TLN2: variants seen among roughly 807,000 people sequenced by gnomAD.
TLN2 encodes the protein talin-2.
A neutral mutation model predicts 294.7 loss-of-function variants in TLN2; 118 were observed. That is an observed-to-expected ratio of 0.40 (90% CI 0.34 to 0.47). The LOEUF (loss-of-function observed/expected upper bound fraction) is 0.47, where lower values mean the gene tolerates loss of function less well. Among genes scored for constraint, TLN2 ranks in the 20% least tolerant of loss-of-function variants. TLN2 has a pLI of 0.84. For synonymous variants in TLN2, 1,431 were observed against 1,304.5 expected (o/e 1.10, Z -2.09); for missense variants, 3,083 against 3,282.2 (o/e 0.94, Z 1.48).
chr15:62,840,388 T>TGA, intron 58 of TLN2, 94 bp from the exon 59 acceptor site: 1 of 1,516,352 alleles, frequency 6.6e-7, no homozygotes, highest in South Asian at 1.3e-5. Context: ...TGTCCCACGG[T>TGA]CGCGGGAGCC....
chr15:62,489,170 CAAAG>C (rs952639402), intron 1 of TLN2, among the ~76,000 whole-genome samples: 3 of 152,028 alleles, frequency 2.0e-5, no homozygotes, highest in African/African-American at 4.8e-5. Flanking sequence ...CAAAAGCAAA[CAAAG>C]AAAATATAAA....
chr15:62,717,219 C>A (rs772109852), intron 23 of TLN2, among the ~76,000 whole-genome samples: 2 of 152,170 alleles, frequency 1.3e-5, no homozygotes, highest in Non-Finnish European at 2.9e-5. Context: ...GTGCTTGACA[C>A]AGAACCATCT....
intron 16 of TLN2, among the ~76,000 whole-genome samples, chr15:62,699,421 T>G (rs1203689856): frequency 6.6e-6 from 1 of 151,936 alleles, no homozygotes; most frequent in Non-Finnish European, 1.5e-5. Context: ...GGGCCTGAGA[T>G]TTTGCATTTG....
At chr15:62,760,021 C>T (rs937022746) in intron 37 of TLN2, among the ~76,000 whole-genome samples, 4 of 152,162 alleles carry the variant, frequency 2.6e-5, no homozygotes, top group Non-Finnish European at 4.4e-5. Context: ...TGGCCAGTGC[C>T]GGCAGCATAA....
intron 10 of TLN2, among the ~76,000 whole-genome samples, chr15:62,674,346 T>A (rs1449151347): frequency 2.0e-5 from 3 of 152,150 alleles, no homozygotes; most frequent in Non-Finnish European, 4.4e-5. Context: ...AACTTTGCCA[T>A]GAAACACTCT....
chr15:62,530,564 C>T (rs112167001), intron 1 of TLN2, among the ~76,000 whole-genome samples: 5,287 of 152,116 alleles, frequency 0.035, 275 homozygotes, highest in African/African-American at 0.12. Context: ...ACTATGTTGG[C>T]CAGGCTGGTC....
intron 16 of TLN2, among the ~76,000 whole-genome samples, chr15:62,700,406 T>C (rs1473208587): frequency 6.6e-6 from 1 of 152,314 alleles, no homozygotes; most frequent in Non-Finnish European, 1.5e-5. Flanking sequence ...TTGCTATTTA[T>C]AGGTTCAAAT....
chr15:62,525,766 A>G (rs2040699706), intron 1 of TLN2, among the ~76,000 whole-genome samples: 1 of 152,190 alleles, frequency 6.6e-6, no homozygotes, highest in South Asian at 2.1e-4. Context: ...GTGAAAGGGC[A>G]GCTGGATGCT....
chr15:62,804,222 T>G (rs1596056445), intron 50 of TLN2, among the ~76,000 whole-genome samples: 1 of 152,158 alleles, frequency 6.6e-6, no homozygotes. Context: ...CTAATGGTGG[T>G]GATCAAAGAG....
At chr15:62,585,034 C>T (rs2045474266) in intron 1 of TLN2, among the ~76,000 whole-genome samples, 1 of 152,154 alleles carries the variant, frequency 6.6e-6, no homozygotes, top group Non-Finnish European at 1.5e-5. Context: ...CAGGGCAAAG[C>T]CTGAGTGTGG....
At position 62,708,521 on chromosome 15, in the gene TLN2, G is replaced by T. The variant is rs763699350; in HGVS notation, c.2192G>T (p.Ser731Ile). The change falls in exon 21 of 59, where the codon AGC (serine) becomes ATC (isoleucine). Residue 731 changes from serine to isoleucine, a missense_variant. By Grantham distance (142) the Ser-to-Ile change is moderately radical (BLOSUM62 -2). Coordinates refer to ENST00000636159, the MANE Select transcript of TLN2 (RefSeq NM_015059.3). The stretch of plus-strand genomic sequence containing the variant: ...CTTCAGGTTGTGAGCCCCACTATTA[G>T]CTCCCCTGTGTGCCAGGAGCAGCTG... Reference protein sequence around the residue: ...ACAKVVSPTISSPVCQEQLIE... With the variant: ...ACAKVVSPTIISPVCQEQLIE... The T allele has an allele frequency of 6.2e-7, 1 of 1,613,746 alleles. No individual in the cohort carries two copies. Among genetic ancestry groups the T allele is most frequent in the Non-Finnish European group, 8.5e-7 (1 of 1,179,704 alleles).
intron 57 of TLN2, among the ~76,000 whole-genome samples, chr15:62,838,386 C>T (rs1397739254): frequency 5.9e-5 from 9 of 152,186 alleles, no homozygotes; most frequent in African/African-American, 2.2e-4. Flanking sequence ...GCCGGCACAG[C>T]ACACTCCAGG....
chr15:62,615,598 G>C (rs1040986188), intron 2 of TLN2, among the ~76,000 whole-genome samples: 3 of 152,146 alleles, frequency 2.0e-5, no homozygotes, highest in Non-Finnish European at 2.9e-5. Context: ...TTAACATTTA[G>C]GTAGATTTTC....
At chr15:62,608,018 C>T (rs899613373) in intron 2 of TLN2, among the ~76,000 whole-genome samples, 12 of 152,180 alleles carry the variant, frequency 7.9e-5, no homozygotes, top group African/African-American at 2.7e-4. Flanking sequence ...TTGCGAAGGA[C>T]ATGTGTTGTA....
chr15:62,527,168 T>C (rs1465930600), intron 1 of TLN2, among the ~76,000 whole-genome samples: 1 of 152,176 alleles, frequency 6.6e-6, no homozygotes, highest in East Asian at 1.9e-4. Flanking sequence ...CCAGTGGGAT[T>C]GGAGACACGG....
rs1342825477 is a variant in TLN2 at position 62,647,226 on chromosome 15, G to T, written c.-36-49G>T. 1.7e-5 allele frequency: 25 copies of T among 1,482,078 alleles called. No homozygotes were observed. In the East Asian group the frequency reaches 5.0e-4, roughly 30 times the overall value. 91.8% of individuals were successfully genotyped at this position (1,482,078 alleles called of 1,614,324 possible). The stretch of plus-strand genomic sequence containing the variant: ...ACTTTTTTTGTTTTTTTTTCCCCAA[G>T]ACAAATTATTATCGTGAACATCAGG... On this transcript the variant is annotated intron_variant, in intron 3 of 58. Coordinates refer to ENST00000636159, the MANE Select transcript of TLN2 (RefSeq NM_015059.3).
At chr15:62,570,520 G>A (rs752582621) in intron 1 of TLN2, among the ~76,000 whole-genome samples, 6 of 152,086 alleles carry the variant, frequency 3.9e-5, no homozygotes, top group Admixed American at 6.5e-5. Context: ...TTTCTTGTCC[G>A]TCTTTCTCTT....
At chr15:62,639,117 C>G (rs1426069245) in intron 3 of TLN2, among the ~76,000 whole-genome samples, 1 of 152,106 alleles carries the variant, frequency 6.6e-6, no homozygotes, top group Non-Finnish European at 1.5e-5. Context: ...ATAGTGGGCA[C>G]TGTGATAGGC....
chr15:62,496,245 G>A (rs1017567498), intron 1 of TLN2, among the ~76,000 whole-genome samples: 3 of 152,202 alleles, frequency 2.0e-5, no homozygotes, highest in Non-Finnish European at 4.4e-5. Context: ...ACGAAGAGAA[G>A]CAGCTTATTT....
Sources: gnomAD v4.1 joint callset for allele counts (sites outside exome capture counted in the v4.1 genomes callset) on GRCh38, gnomAD v4.1.1 for gene constraint, MANE v1.5 for transcripts, NCBI Gene and HGNC (gene_info 2026-07-23, HGNC 2026-07-21) for gene names.